NGF: variants seen among roughly 807,000 people sequenced by gnomAD.
The protein encoded by NGF is nerve growth factor, also known as beta-nerve growth factor.
Under a neutral mutation model 12.8 loss-of-function variants are expected in NGF, and 4 were observed. The ratio of observed to expected loss-of-function variants is 0.31; its 90% CI spans 0.15 to 0.72. NGF has a LOEUF of 0.72. Ranked by LOEUF, NGF falls within the 30% of genes least tolerant of loss-of-function variation. NGF has a pLI of 0.69. For synonymous variants in NGF, 140 were observed against 130.0 expected (o/e 1.08, Z -0.52); for missense variants, 283 against 330.8 (o/e 0.86, Z 1.12).
At chr1:115,321,146 C>T (rs930501710) in intron 1 of NGF, among the ~76,000 whole-genome samples, 6 of 152,186 alleles carry the variant, frequency 3.9e-5, no homozygotes, top group Non-Finnish European at 8.8e-5. Context: ...ACACTTAGCA[C>T]GTGGAAATGG....
intron 1 of NGF, among the ~76,000 whole-genome samples, chr1:115,311,367 T>A (rs1654331313): frequency 6.6e-6 from 1 of 152,198 alleles, no homozygotes; most frequent in Non-Finnish European, 1.5e-5. Flanking sequence ...GCTGAGTGGC[T>A]CTTAAATGTA....
intron 1 of NGF, among the ~76,000 whole-genome samples, chr1:115,307,449 C>T (rs991250614): frequency 3.3e-5 from 5 of 152,286 alleles, no homozygotes; most frequent in Non-Finnish European, 2.9e-5. Flanking sequence ...TGAGAAAAGA[C>T]TTTGAAGATA....
At chr1:115,304,329 A>ATTTTTTTTTTTTTTTTT (rs58345237) in intron 1 of NGF, among the ~76,000 whole-genome samples, 4,877 of 80,134 alleles carry the variant, frequency 0.061, 999 homozygotes, top group Non-Finnish European at 0.084. Flanking sequence ...TGCTTGGCTA[A>ATTTTTTTTTTTTTTTTT]TTTTTTTTTT....
At chr1:115,336,763 A>C (rs1655118892) in intron 1 of NGF, among the ~76,000 whole-genome samples, 1 of 152,228 alleles carries the variant, frequency 6.6e-6, no homozygotes, top group African/African-American at 2.4e-5. Context: ...ATTCCCTTCC[A>C]GCAGACTTAA....
intron 1 of NGF, among the ~76,000 whole-genome samples, chr1:115,318,541 C>G (rs1170380239): frequency 6.6e-6 from 1 of 152,188 alleles, no homozygotes; most frequent in Non-Finnish European, 1.5e-5. Context: ...CTCTGCAAAG[C>G]AGCCAAGGGC....
chr1:115,290,529 G>A (rs1653661450), intron 2 of NGF, among the ~76,000 whole-genome samples: 2 of 151,110 alleles, frequency 1.3e-5, no homozygotes, highest in African/African-American at 2.4e-5. Flanking sequence ...CTGAGTAGCT[G>A]GGACTACAGG....
chr1:115,336,399 T>C (rs1655109596), intron 1 of NGF, among the ~76,000 whole-genome samples: 1 of 151,404 alleles, frequency 6.6e-6, no homozygotes, highest in Non-Finnish European at 1.5e-5. Context: ...AAGAGTGGGG[T>C]AGGAGTTTGG....
intron 1 of NGF, among the ~76,000 whole-genome samples, chr1:115,302,644 G>T (rs1309148280): frequency 6.6e-6 from 1 of 152,244 alleles, no homozygotes; most frequent in East Asian, 1.9e-4. Flanking sequence ...GCCTCTGTCT[G>T]TAAAGGAAGC....
chr1:115,319,598 A>G (rs1654561901), intron 1 of NGF, among the ~76,000 whole-genome samples: 1 of 152,220 alleles, frequency 6.6e-6, no homozygotes, highest in Non-Finnish European at 1.5e-5. Context: ...GTGCGGGTAC[A>G]AGGGTGGTAG....
chr1:115,314,076 C>T (rs1046580179), intron 1 of NGF, among the ~76,000 whole-genome samples: 1 of 152,182 alleles, frequency 6.6e-6, no homozygotes, highest in Non-Finnish European at 1.5e-5. Flanking sequence ...AACAAATGGA[C>T]ACAATTCCAA....
intron 1 of NGF, among the ~76,000 whole-genome samples, chr1:115,306,525 A>G (rs1430730159): frequency 6.6e-6 from 1 of 152,234 alleles, no homozygotes; most frequent in Non-Finnish European, 1.5e-5. Context: ...TCTTTCTAGA[A>G]TAATAAAAAT....
Position 115,337,267 on chromosome 1 carries a change from G to GTTTGTTT in NGF, c.-137+936_-137+937insAAACAAA. On this transcript the variant is annotated intron_variant, in intron 1 of 2. Coordinates refer to ENST00000369512, the MANE Select transcript of NGF (RefSeq NM_002506.3). The stretch of plus-strand genomic sequence containing the variant: ...TCGAAATTTTTTTTGTTTTGTTTTT[G>GTTTGTTT]TTTTTTTTTTTTTTTTTTTTTTTTT... Among the ~76,000 whole-genome samples the GTTTGTTT allele has an allele frequency of 2.7e-4, 22 of 81,028 alleles. 2 individuals carry two copies. The highest frequency in any genetic ancestry group is 6.4e-4 in the African/African-American group (12 of 18,894). 53.2% of individuals were successfully genotyped at this position (81,028 alleles called of 152,430 possible). A position where few individuals can be genotyped will look rare whatever the true frequency, so the allele number is the denominator to read the frequency against.
intron 1 of NGF, among the ~76,000 whole-genome samples, chr1:115,311,232 C>A (rs976690711): frequency 2.6e-5 from 4 of 152,190 alleles, no homozygotes; most frequent in Non-Finnish European, 5.9e-5. Context: ...AGCAGGAGTT[C>A]TTTTATCATC....
intron 1 of NGF, among the ~76,000 whole-genome samples, chr1:115,335,429 C>T (rs756697577): frequency 4.1e-4 from 63 of 152,320 alleles, no homozygotes; most frequent in Non-Finnish European, 7.6e-4. Context: ...CAAAATGGTC[C>T]ACCACAGAAG....
chr1:115,291,431 T>C (rs1653692788), intron 2 of NGF, among the ~76,000 whole-genome samples: 1 of 152,218 alleles, frequency 6.6e-6, no homozygotes, highest in Non-Finnish European at 1.5e-5. Context: ...GACAGCTTTC[T>C]GTCTGGCTTT....
chr1:115,306,753 C>A (rs1473927500), intron 1 of NGF, among the ~76,000 whole-genome samples: 2 of 152,230 alleles, frequency 1.3e-5, no homozygotes, highest in African/African-American at 2.4e-5. Flanking sequence ...CCACCATCTT[C>A]TTTTAGCTTC....
intron 1 of NGF, among the ~76,000 whole-genome samples, chr1:115,330,538 A>G (rs1571098619): frequency 1.3e-5 from 2 of 152,336 alleles, no homozygotes; most frequent in South Asian, 2.1e-4. Context: ...GAATACAACC[A>G]GGATCTGAAA....
chr1:115,286,671 T>G lies in NGF; in HGVS notation c.125A>C (p.His42Pro), dbSNP rs746985577. ...IPQAHWTKLQ[H>P]SLDTALRRAR... The stretch of plus-strand genomic sequence containing the variant: ...TCTGCGAAGGGCAGTGTCAAGGGAA[T>G]GCTGAAGTTTAGTCCAGTGGGCTTG... The change falls in exon 3 of 3, where the codon CAT becomes CCT. Residue 42 changes from histidine (H) to proline (P), a missense_variant. Transcript: ENST00000369512. The G allele has an allele frequency of 5.0e-6, 8 of 1,614,206 alleles. No individual in the cohort carries two copies. In the Middle Eastern group the frequency reaches 4.9e-4, roughly 100 times the overall value.
chr1:115,307,348 G>A lies in NGF; in HGVS notation c.-136-13598C>T, dbSNP rs114939381. 3.4e-3 allele frequency among the ~76,000 whole-genome samples: 511 copies of A among 152,302 alleles called. 2 individuals carry two copies. Among genetic ancestry groups the A allele is most frequent in the African/African-American group, 0.012 (480 of 41,566 alleles). The stretch of plus-strand genomic sequence containing the variant: ...AACAGAGGGGAGTGGAGAAAGCAAC[G>A]GAGGGTGTGGAGGGAGATCCAGAGG... On this transcript the variant is annotated intron_variant, in intron 1 of 2. Transcript: ENST00000369512.
Sources: allele counts gnomAD v4.1 joint callset (sites outside exome capture counted in the v4.1 genomes callset), GRCh38; gene constraint gnomAD v4.1.1; transcripts MANE v1.5; gene names NCBI Gene and HGNC (gene_info 2026-07-23, HGNC 2026-07-21).